Variants in RPGRIP1 observed in about 807,000 individuals in gnomAD.
RPGRIP1 encodes RPGR interacting protein 1, also known as X-linked retinitis pigmentosa GTPase regulator-interacting protein 1.
A neutral mutation model predicts 157.9 loss-of-function variants in RPGRIP1; 128 were observed. The ratio of observed to expected loss-of-function variants is 0.81; its 90% CI spans 0.70 to 0.94. The LOEUF is 0.94. RPGRIP1 is among the 40% of genes least tolerant of loss of function. The pLI is 0.00. For synonymous variants in RPGRIP1, 554 were observed against 571.6 expected (o/e 0.97, Z 0.44); for missense variants, 1,486 against 1,545.8 (o/e 0.96, Z 0.65).
Position 21,348,174 on chromosome 14 carries a change from T to G in RPGRIP1, c.3620T>G (p.Leu1207Ter). The change falls in exon 24 of 25, where the codon TTA becomes TGA. Residue 1207 changes from leucine (L) to a stop codon, truncating the protein, a stop_gained and splice_region_variant. Coordinates refer to ENST00000400017, the MANE Select transcript of RPGRIP1 (RefSeq NM_020366.4). LOFTEE classifies it high-confidence loss of function. Reference sequence around the variant, plus strand: ...AATTAAATGCAATTTCTTTTTAGTTTAAAGTTTACAGTGGTAAGTGATCCT... The same window carrying G: ...AATTAAATGCAATTTCTTTTTAGTTGAAAGTTTACAGTGGTAAGTGATCCT... ...LNGQDPDQGH[L>*]KFTVVSDPLD... The G allele has an allele frequency of 6.4e-7, 1 of 1,570,274 alleles. No homozygotes were observed. The highest frequency in any genetic ancestry group is 1.2e-5 in the South Asian group (1 of 82,664).
At chr14:21,308,056 T>C (rs1286698550) in intron 7 of RPGRIP1, among the ~76,000 whole-genome samples, 1 of 152,202 alleles carries the variant, frequency 6.6e-6, no homozygotes, top group Non-Finnish European at 1.5e-5. Flanking sequence ...AGAGGAAGGC[T>C]CAAGCTCTGC....
At chr14:21,306,608 G>A (rs7158388) in intron 6 of RPGRIP1, among the ~76,000 whole-genome samples, 1,936 of 142,152 alleles carry the variant, frequency 0.014, 29 homozygotes, top group African/African-American at 0.048. Context: ...ACAGGTGTGC[G>A]CCACCATGCC....
intron 2 of RPGRIP1, among the ~76,000 whole-genome samples, chr14:21,294,159 G>A (rs1880658426): frequency 6.6e-6 from 1 of 151,448 alleles, no homozygotes; most frequent in African/African-American, 2.4e-5. Context: ...CTAGACGGAA[G>A]GTCGAGTTAT....
chr14:21,342,051 A>G (rs1885067282), intron 21 of RPGRIP1, among the ~76,000 whole-genome samples: 1 of 146,120 alleles, frequency 6.8e-6, no homozygotes, highest in Admixed American at 6.8e-5. Context: ...CACTGTCTCA[A>G]AAAAAAAAAA....
At chr14:21,309,217 G>GA (rs745884302) in intron 7 of RPGRIP1, among the ~76,000 whole-genome samples, 23 of 152,160 alleles carry the variant, frequency 1.5e-4, no homozygotes, top group Non-Finnish European at 2.6e-4. Context: ...TGCCAGATCA[G>GA]AAAAGGATTA....
chr14:21,303,534 C>T lies in RPGRIP1; in HGVS notation c.791C>T (p.Ala264Val). 6.2e-7 allele frequency: 1 copy of T among 1,613,106 alleles called. No homozygotes were observed. Residue 264 changes from alanine (A) to valine (V), a missense_variant, in exon 6 of 25, where the codon GCA (alanine) becomes GTA (valine). Transcript: ENST00000400017. The part of the protein sequence containing the change: ...RSSLECAQKA[A>V]ELRASIKEKV... ...TCATTGGAGTGTGCTCAGAAGGCTG[C>T]AGAGCTTCGGTAAGAGTGTGGCACT...
At chr14:21,341,601 G>T (rs1014724134) in intron 21 of RPGRIP1, among the ~76,000 whole-genome samples, 1 of 152,098 alleles carries the variant, frequency 6.6e-6, no homozygotes, top group Admixed American at 6.6e-5. Context: ...CTGGTGTCAC[G>T]ATACTGACTT....
chr14:21,326,151 T>C lies in RPGRIP1; in HGVS notation c.2688T>C (p.Leu896=). 6.4e-7 allele frequency: 1 copy of C among 1,571,618 alleles called. No homozygotes were observed. Among genetic ancestry groups the C allele is most frequent in the Non-Finnish European group, 8.6e-7 (1 of 1,158,878 alleles). ...GAGCCCGAGTGCCTTTACTGCCTCT[T>C]GCAAAAAATGAATCTATCAAAGGTG... ...LGRARVPLLP[L]AKNESIKGDF... is the part of the protein sequence containing the mutation. Residue 896 remains leucine, a synonymous_variant, in exon 17 of 25, where the codon CTT becomes CTC. Coordinates refer to ENST00000400017, the MANE Select transcript of RPGRIP1 (RefSeq NM_020366.4).
chr14:21,305,257 G>A (rs1368474228), intron 6 of RPGRIP1, among the ~76,000 whole-genome samples: 1 of 152,126 alleles, frequency 6.6e-6, no homozygotes, highest in Non-Finnish European at 1.5e-5. Flanking sequence ...TCTTTTTACT[G>A]TCTCCAGTTT....
At chr14:21,311,491 G>A (rs1292395912) in intron 8 of RPGRIP1, among the ~76,000 whole-genome samples, 2 of 152,174 alleles carry the variant, frequency 1.3e-5, no homozygotes, top group African/African-American at 4.8e-5. Context: ...GGCAGAGGTT[G>A]CAGTGAGCCA....
chr14:21,302,877 T>G, intron 5 of RPGRIP1: 1 of 188,692 alleles, frequency 5.3e-6, no homozygotes, highest in Non-Finnish European at 1.1e-5. Flanking sequence ...TTTTTTTTTT[T>G]TTTTTTTTTT....
intron 20 of RPGRIP1, among the ~76,000 whole-genome samples, chr14:21,330,631 ACTC>A (rs1347150133): frequency 6.6e-6 from 1 of 151,956 alleles, no homozygotes; most frequent in Admixed American, 6.6e-5. Context: ...GCACCACTGC[ACTC>A]CTCCAGCCTG....
intron 1 of RPGRIP1, among the ~76,000 whole-genome samples, chr14:21,287,681 CA>C (rs1465843094): frequency 6.6e-6 from 1 of 151,976 alleles, no homozygotes; most frequent in Admixed American, 6.6e-5. Context: ...GCTGAGCAGA[CA>C]CTTAAAAAAA....
chr14:21,325,777 C>G (rs1883014864), intron 16 of RPGRIP1, 54 bp from the exon 17 acceptor site: 1 of 1,347,554 alleles, frequency 7.4e-7, no homozygotes, highest in South Asian at 1.3e-5. Context: ...TAGGCTTCAC[C>G]TACAACAGTC....
chr14:21,315,777 C>T (rs1022654255), intron 10 of RPGRIP1, among the ~76,000 whole-genome samples: 2 of 151,246 alleles, frequency 1.3e-5, no homozygotes, highest in African/African-American at 4.9e-5. Flanking sequence ...TAATACTTGC[C>T]TAAGTAGGTT....
At chr14:21,321,504 C>T in intron 13 of RPGRIP1, 102 bp downstream of exon 13, 1 of 1,509,422 alleles carries the variant, frequency 6.6e-7, no homozygotes, top group Non-Finnish European at 8.8e-7. Flanking sequence ...GGGCTGATAC[C>T]AGGTGATGTG....
At chr14:21,329,137 T>G (rs1210654835) in intron 19 of RPGRIP1, among the ~76,000 whole-genome samples, 1 of 107,324 alleles carries the variant, frequency 9.3e-6, no homozygotes. Flanking sequence ...AGTGAGAAAC[T>G]CCATCTCACC....
intron 14 of RPGRIP1, 58 bp from the exon 15 acceptor site, chr14:21,324,560 T>G: frequency 7.1e-7 from 1 of 1,408,624 alleles, no homozygotes; most frequent in Non-Finnish European, 1.0e-6. Flanking sequence ...CACCCTCCTC[T>G]ACCCTAAGAA....
chr14:21,338,008 C>G (rs527262170), intron 21 of RPGRIP1, among the ~76,000 whole-genome samples: 1 of 152,214 alleles, frequency 6.6e-6, no homozygotes, highest in South Asian at 2.1e-4. Flanking sequence ...CCTCCGCCCC[C>G]CAGGTTCAAG....
Sources: gnomAD v4.1 joint callset for allele counts (sites outside exome capture counted in the v4.1 genomes callset) on GRCh38, gnomAD v4.1.1 for gene constraint, MANE v1.5 for transcripts, NCBI Gene and HGNC (gene_info 2026-07-23, HGNC 2026-07-21) for gene names.